Variants in BBS4 observed in about 807,000 individuals in gnomAD.
BBS4 encodes BBSome complex member BBS4.
In BBS4, 58 loss-of-function variants were observed where a neutral mutation model predicts 71.4. The observed-to-expected ratio is 0.81, with a 90% CI of 0.66 to 1.01. BBS4 has a LOEUF of 1.01. BBS4 is among the 50% of genes least tolerant of loss of function. The pLI is 0.00. For synonymous variants in BBS4, 228 were observed against 216.8 expected, an observed-to-expected ratio of 1.05 and a Z score of -0.46; for missense variants, 660 against 607.9, an observed-to-expected ratio of 1.09 and a Z score of -0.90.
chr15:72,700,814 TA>T, intron 2 of BBS4, among the ~76,000 whole-genome samples: 1 of 152,302 alleles, frequency 6.6e-6, no homozygotes, highest in South Asian at 2.1e-4. Context: ...CTTTTGTTAT[TA>T]ATGCCTTCTC....
At chr15:72,692,767 A>G (rs755470171) in intron 1 of BBS4, among the ~76,000 whole-genome samples, 12 of 151,436 alleles carry the variant, frequency 7.9e-5, no homozygotes, top group Non-Finnish European at 1.5e-4. Flanking sequence ...GCTAATTTCT[A>G]AAGTTTTTTT....
At chr15:72,736,582 C>T (rs1364043244) in intron 14 of BBS4, among the ~76,000 whole-genome samples, 180 bp from the exon 15 acceptor site, 1 of 152,228 alleles carries the variant, frequency 6.6e-6, no homozygotes, top group South Asian at 2.1e-4. Context: ...ATGTGAACCA[C>T]CATGCCATCC....
intron 2 of BBS4, among the ~76,000 whole-genome samples, chr15:72,702,719 T>A (rs77296598): frequency 0.092 from 13,941 of 151,712 alleles, 735 homozygotes; most frequent in Non-Finnish European, 0.12. Flanking sequence ...ACAGAGTAGA[T>A]GTTTCTCTTG....
At chr15:72,717,550 C>CCTAT (rs1166943814) in intron 6 of BBS4, among the ~76,000 whole-genome samples, 2 of 151,850 alleles carry the variant, frequency 1.3e-5, no homozygotes, top group Admixed American at 6.6e-5. Context: ...AAGGACAGAG[C>CCTAT]CTATACTGGG....
In BBS4 at chr15:72,699,227, C is replaced by T. The variant is rs185801169; in HGVS notation, c.76+3999C>T. The stretch of plus-strand genomic sequence containing the variant: ...TCAGCTTCCCGTGTAGCTGGTATTA[C>T]AGGTGCCCACCACCATGCCTGGCTA... On this transcript the variant is annotated intron_variant, in intron 2 of 15. Transcript: ENST00000268057. Among the ~76,000 whole-genome samples, 77 of 151,978 alleles carry T rather than the reference C, an allele frequency of 5.1e-4. 1 individual carries two copies. In the East Asian group the frequency reaches 0.013, roughly 25 times the overall value.
intron 8 of BBS4, among the ~76,000 whole-genome samples, chr15:72,725,065 G>T (rs994759503): frequency 4.6e-5 from 7 of 151,246 alleles, no homozygotes; most frequent in African/African-American, 1.7e-4. Context: ...TATAGAGAGA[G>T]AGAGAGAGAG....
At chr15:72,719,263 A>ATTTTT (rs34214646) in intron 6 of BBS4, among the ~76,000 whole-genome samples, 6 of 140,952 alleles carry the variant, frequency 4.3e-5, no homozygotes, top group East Asian at 4.1e-4. Context: ...TACTTTCTAA[A>ATTTTT]TTTTTTTTTT....
chr15:72,689,780 T>TTTATTTA lies in BBS4; in HGVS notation c.24+3531_24+3532insATTTATT, dbSNP rs2064949087. Among the ~76,000 whole-genome samples, 8 of 147,654 alleles carry TTTATTTA rather than the reference T, an allele frequency of 5.4e-5. No homozygotes were observed. In the South Asian group the frequency reaches 1.7e-3, roughly 32 times the overall value. On this transcript the variant is annotated intron_variant, in intron 1 of 15. Transcript: ENST00000268057. ...TTTCATGATTTGTGCTTATAAATCT[T>TTTATTTA]TTTATTTATTTATTTATTTATTTAT...
chr15:72,733,228 G>A (rs2065859843), intron 12 of BBS4, among the ~76,000 whole-genome samples: 2 of 152,174 alleles, frequency 1.3e-5, no homozygotes, highest in African/African-American at 4.8e-5. Flanking sequence ...GCTAAGGCAG[G>A]AAGTTTGCTT....
intron 12 of BBS4, 99 bp downstream of exon 12, chr15:72,731,825 T>G (rs977962415): frequency 1.4e-6 from 2 of 1,422,072 alleles, no homozygotes; most frequent in Non-Finnish European, 2.0e-6. Flanking sequence ...TAGGAGCCAT[T>G]CCCTTAGAGA....
At chr15:72,731,127 G>A (rs1444235937) in intron 10 of BBS4, among the ~76,000 whole-genome samples, 178 bp from the exon 11 acceptor site, 2 of 123,578 alleles carry the variant, frequency 1.6e-5, no homozygotes, top group African/African-American at 3.2e-5. Flanking sequence ...AGTGTAGAGT[G>A]CAAGGACATT....
intron 1 of BBS4, among the ~76,000 whole-genome samples, chr15:72,691,647 A>G (rs2064985542): frequency 6.6e-6 from 1 of 152,106 alleles, no homozygotes; most frequent in South Asian, 2.1e-4. Flanking sequence ...GGAGATCGGG[A>G]TTATTTCTGG....
At chr15:72,710,832 C>T (rs577074494) in intron 3 of BBS4, among the ~76,000 whole-genome samples, 2 of 151,876 alleles carry the variant, frequency 1.3e-5, no homozygotes, top group African/African-American at 4.8e-5. Context: ...CTCTTATTGC[C>T]CAGGCTAGAG....
chr15:72,731,142 AG>A (rs968262091), intron 10 of BBS4, among the ~76,000 whole-genome samples, 162 bp from the exon 11 acceptor site: 4 of 128,750 alleles, frequency 3.1e-5, no homozygotes, highest in African/African-American at 1.2e-4. Flanking sequence ...GACATTCCTC[AG>A]GAACATTTGT....
intron 2 of BBS4, among the ~76,000 whole-genome samples, chr15:72,701,245 C>T (rs2065163772): frequency 6.6e-6 from 1 of 152,148 alleles, no homozygotes; most frequent in African/African-American, 2.4e-5. Flanking sequence ...TATCTAACTT[C>T]GTTGCTCAGA....
chr15:72,687,880 C>G (rs2064894207), intron 1 of BBS4, among the ~76,000 whole-genome samples: 1 of 150,824 alleles, frequency 6.6e-6, no homozygotes, highest in Admixed American at 6.6e-5. Context: ...TGCAGTGAGC[C>G]GAGATCGTGC....
chr15:72,726,770 T>G (rs975472289), intron 8 of BBS4, among the ~76,000 whole-genome samples: 1 of 152,196 alleles, frequency 6.6e-6, no homozygotes. Context: ...TCTGTGGTGC[T>G]AGGTAGTAGC....
chr15:72,691,144 G>C (rs2064976001), intron 1 of BBS4, among the ~76,000 whole-genome samples: 1 of 152,048 alleles, frequency 6.6e-6, no homozygotes, highest in African/African-American at 2.4e-5. Flanking sequence ...GCCACGCTTG[G>C]CTAATTTTTG....
At chr15:72,717,312 G>A (rs2151025595) in intron 6 of BBS4, 1 of 153,688 alleles carries the variant, frequency 6.5e-6, no homozygotes, top group South Asian at 2.0e-4. Context: ...TGAGGATTGT[G>A]TGTAAATGCA....
Sources: allele counts gnomAD v4.1 joint callset (sites outside exome capture counted in the v4.1 genomes callset), GRCh38; gene constraint gnomAD v4.1.1; transcripts MANE v1.5; gene names NCBI Gene and HGNC (gene_info 2026-07-23, HGNC 2026-07-21).